Variants in HADHA observed in about 807,000 individuals in gnomAD.
HADHA encodes the protein trifunctional enzyme subunit alpha, mitochondrial.
In HADHA, 59 loss-of-function variants were observed where a neutral mutation model predicts 91.3. The ratio of observed to expected loss-of-function variants is 0.65; its 90% confidence interval spans 0.52 to 0.80. The LOEUF (loss-of-function observed/expected upper bound fraction) is 0.80. Ranked by LOEUF, HADHA falls within the 30% of genes least tolerant of loss-of-function variation. The pLI, the probability that HADHA is intolerant of heterozygous loss-of-function variation, is 0.00. For missense variants in HADHA, 800 were observed against 927.6 expected, an observed-to-expected ratio of 0.86 and a Z score of 1.79; for synonymous variants, 320 against 338.9, an observed-to-expected ratio of 0.94 and a Z score of 0.61.
Position 26,232,254 on chromosome 2 carries a change from A to T in HADHA, c.479T>A (p.Ile160Lys), listed in dbSNP as rs796051969. ...LEVAISCQYR[I>K]ATKDRKTVLG... is the part of the protein sequence containing the mutation. ...TACTGTTTTTCTGTCTTTTGTTGCT[A>T]TTCTGTATTGGCATGAAATGGCAAC... Residue 160 changes from isoleucine to lysine, a missense_variant, in exon 6 of 20, where the codon ATA (isoleucine) becomes AAA (lysine). Ile to Lys is a moderately radical substitution (Grantham distance 102, BLOSUM62 -3). Coordinates refer to ENST00000380649, the MANE Select transcript of HADHA (RefSeq NM_000182.5). The T allele has an allele frequency of 1.9e-6, 3 of 1,602,970 alleles. No individual in the cohort carries two copies. Among genetic ancestry groups the T allele is most frequent in the Non-Finnish European group, 2.6e-6 (3 of 1,169,944 alleles).
intron 17 of HADHA, among the ~76,000 whole-genome samples, chr2:26,192,889 G>A (rs1045651690): frequency 2.6e-5 from 4 of 152,204 alleles, no homozygotes; most frequent in Non-Finnish European, 4.4e-5. Flanking sequence ...GGCAGAGAAG[G>A]AAAGAAGATC....
Position 26,204,057 on chromosome 2 carries a change from C to T in HADHA, c.1220+5G>A. 6.2e-7 allele frequency: 1 copy of T among 1,613,814 alleles called. No individual in the cohort carries two copies. The highest frequency in any genetic ancestry group is 8.5e-7 in the Non-Finnish European group (1 of 1,179,698). The stretch of plus-strand genomic sequence containing the variant: ...AACTCTTGCAAAGAGAGAGAGCAGG[C>T]TTACCCTTTGAACACTTGTTGCTGT... On this transcript the variant is annotated splice_donor_5th_base_variant and intron_variant, in intron 12 of 19. Transcript: ENST00000380649.
intron 4 of HADHA, 82 bp from the exon 5 acceptor site, chr2:26,234,437 T>A: frequency 8.8e-7 from 1 of 1,130,176 alleles, no homozygotes; most frequent in South Asian, 1.3e-5. Context: ...ACTATACACT[T>A]ATCCTATCAT....
Position 26,214,922 on chromosome 2 carries a change from T to G in HADHA, c.799+131A>C. 1.1e-6 allele frequency: 1 copy of G among 908,562 alleles called. No homozygotes were observed. Among genetic ancestry groups the G allele is most frequent in the Middle Eastern group, 3.3e-4 (1 of 3,066 alleles). The allele number at this position is 908,562 out of a possible 1,614,324, so 56.3% of individuals were successfully genotyped here. On this transcript the variant is annotated intron_variant, in intron 8 of 19. Coordinates refer to ENST00000380649, the MANE Select transcript of HADHA (RefSeq NM_000182.5). The surrounding 1 kb of genome is among the most constrained non-coding windows in gnomAD (Gnocchi z 4.1). ...TGTAAAGTTGAGGAGTTGTTACATC[T>G]CCTACCTAAGGCTGACTTTATGCTT...
chr2:26,204,296 G>T, intron 11 of HADHA, 100 bp from the exon 12 acceptor site: 1 of 973,032 alleles, frequency 1.0e-6, no homozygotes, highest in African/African-American at 1.6e-5. Flanking sequence ...ACTAATGCAG[G>T]CACAACTATA....
At chr2:26,197,217 A>C (rs993882846) in intron 14 of HADHA, among the ~76,000 whole-genome samples, 56 of 152,298 alleles carry the variant, frequency 3.7e-4, no homozygotes, top group African/African-American at 1.3e-3. Flanking sequence ...CATCATTCCA[A>C]ATACTCACAG....
At chr2:26,191,437 G>A (rs766306913) in intron 19 of HADHA, 42 bp from the exon 20 acceptor site, 59 of 1,614,004 alleles carry the variant, frequency 3.7e-5, no homozygotes, top group South Asian at 1.3e-4. Context: ...GACGCAACAC[G>A]GGCTCCAGGC....
In HADHA at chr2:26,232,846, A is replaced by G. The variant is rs74889334; in HGVS notation, c.454-567T>C. On this transcript the variant is annotated intron_variant, in intron 5 of 19. Transcript: ENST00000380649. Reference sequence around the variant, plus strand: ...GCAGAGTGTACTTACACAAACCCAGATGGCAGAGCCTGCTACACATCTAGG... The same window carrying G: ...GCAGAGTGTACTTACACAAACCCAGGTGGCAGAGCCTGCTACACATCTAGG... 1.4e-3 allele frequency among the ~76,000 whole-genome samples: 213 copies of G among 152,194 alleles called. 3 individuals carry two copies. The East Asian group carries it at 0.038, about 27-fold the overall frequency.
intron 7 of HADHA, among the ~76,000 whole-genome samples, 173 bp downstream of exon 7, chr2:26,230,019 C>T (rs1233813840): frequency 2.0e-5 from 3 of 152,186 alleles, no homozygotes; most frequent in Admixed American, 6.5e-5. Flanking sequence ...GACAGGGTTT[C>T]GCCATGTTGG....
At chr2:26,237,932 TTTACC>T (rs1461618768) in intron 3 of HADHA, among the ~76,000 whole-genome samples, 2 of 147,044 alleles carry the variant, frequency 1.4e-5, no homozygotes, top group African/African-American at 5.5e-5. Flanking sequence ...ATGGCTCTTA[TTTACC>T]TTAATTTGTG....
At chr2:26,237,913 T>C (rs1312414878) in intron 3 of HADHA, among the ~76,000 whole-genome samples, 2 of 152,064 alleles carry the variant, frequency 1.3e-5, no homozygotes, top group African/African-American at 4.8e-5. Context: ...TTTACTCTAG[T>C]AAAGGGGAAT....
intron 9 of HADHA, 46 bp from the exon 10 acceptor site, chr2:26,212,672 G>A (rs766913883): frequency 2.4e-6 from 3 of 1,233,882 alleles, no homozygotes; most frequent in Admixed American, 1.7e-5. Context: ...ATAGATTGGC[G>A]AGATGTACAA....
intron 10 of HADHA, chr2:26,212,306 T>C: frequency 2.2e-6 from 1 of 456,290 alleles, no homozygotes; most frequent in Non-Finnish European, 4.1e-6. Context: ...ATGCTGGTCT[T>C]GAACTCCTGA....
At chr2:26,234,055 T>C (rs916609962) in intron 5 of HADHA, among the ~76,000 whole-genome samples, 162 bp downstream of exon 5, 1 of 152,180 alleles carries the variant, frequency 6.6e-6, no homozygotes, top group Admixed American at 6.5e-5. Context: ...CTCTCCAGCC[T>C]GGGAGACAAG....
chr2:26,208,960 G>A lies in HADHA; in HGVS notation c.1085+820C>T, dbSNP rs372724576. Reference sequence around the variant, plus strand: ...GTATTTGTAATCTCATTAAAGGTGAGAGGATGGAGAAGGCAGTATCATTAG... The same window carrying A: ...GTATTTGTAATCTCATTAAAGGTGAAAGGATGGAGAAGGCAGTATCATTAG... On this transcript the variant is annotated intron_variant, in intron 11 of 19. Transcript: ENST00000380649. 5.9e-5 allele frequency among the ~76,000 whole-genome samples: 9 copies of A among 152,284 alleles called. No homozygotes were observed. In the East Asian group the frequency reaches 1.7e-3, roughly 29 times the overall value.
intron 3 of HADHA, among the ~76,000 whole-genome samples, chr2:26,238,166 C>T (rs545583281): frequency 6.6e-6 from 1 of 152,100 alleles, no homozygotes; most frequent in Admixed American, 6.6e-5. Context: ...CATCACCATA[C>T]CCAACTATTT....
In HADHA at chr2:26,234,214, T is replaced by C. The variant is rs1451937602; in HGVS notation, c.453+3A>G. 3 of 1,612,828 alleles carry C rather than the reference T, an allele frequency of 1.9e-6. No individual in the cohort carries two copies. The highest frequency in any genetic ancestry group is 1.3e-5 in the African/African-American group (1 of 75,038). ...TGTCTCAATAACTTTAGAATATCTA[T>C]ACCTCAAGTCCTCCTCCCAGGCAGG... On this transcript the variant is annotated splice_donor_region_variant and intron_variant, in intron 5 of 19. Coordinates refer to ENST00000380649, the MANE Select transcript of HADHA (RefSeq NM_000182.5).
rs368736585 is a variant in HADHA, at chr2:26,191,459, T to A, written c.2146+24A>T. 4 of 1,614,012 alleles carry A rather than the reference T, an allele frequency of 2.5e-6. No homozygotes were observed. In the African/African-American group the frequency reaches 4.0e-5, roughly 16 times the overall value. ...CACGGGCTCCAGGCTAAAGTGAGCTTCCTTCCCAACCTGCGAGACCAACCT... is the reference window on the plus strand; with the variant it reads ...CACGGGCTCCAGGCTAAAGTGAGCTACCTTCCCAACCTGCGAGACCAACCT... On this transcript the variant is annotated intron_variant, in intron 19 of 19. Coordinates refer to ENST00000380649, the MANE Select transcript of HADHA (RefSeq NM_000182.5).
At chr2:26,209,115 T>TG in intron 11 of HADHA, among the ~76,000 whole-genome samples, 1 of 152,298 alleles carries the variant, frequency 6.6e-6, no homozygotes, top group East Asian at 1.9e-4. Context: ...GCAGCATCCC[T>TG]GGCCTCCACC....
Sources: gnomAD v4.1 joint callset for allele counts (sites outside exome capture counted in the v4.1 genomes callset) on GRCh38, gnomAD v4.1.1 for gene constraint, Gnocchi (gnomAD v3.1) non-coding constraint, MANE v1.5 for transcripts, NCBI Gene and HGNC (gene_info 2026-07-23, HGNC 2026-07-21) for gene names.